Variants in TMEM26 observed in about 807,000 individuals in gnomAD.
TMEM26 encodes transmembrane protein 26.
In TMEM26, 38 loss-of-function variants were observed where a neutral mutation model predicts 28.8. That is an observed-to-expected ratio of 1.32 (90% CI 1.02 to 1.73). The LOEUF is 1.73. Among genes scored for constraint, TMEM26 ranks in the 40% most tolerant of loss-of-function variants. The pLI is 0.00. For synonymous variants in TMEM26, 227 were observed against 182.9 expected (o/e 1.24, Z -1.95); for missense variants, 518 against 447.1 (o/e 1.16, Z -1.43).
At chr10:61,441,763 C>T (rs1840096854) in intron 1 of TMEM26, among the ~76,000 whole-genome samples, 1 of 152,138 alleles carries the variant, frequency 6.6e-6, no homozygotes. Flanking sequence ...GAGCTATCTG[C>T]CCTTAGAAAC....
intron 1 of TMEM26, among the ~76,000 whole-genome samples, chr10:61,445,229 A>G (rs1840160176): frequency 6.6e-6 from 1 of 152,206 alleles, no homozygotes. Flanking sequence ...CATCACTAGT[A>G]TTAAGAGACT....
At chr10:61,447,543 G>T (rs1840204841) in intron 1 of TMEM26, among the ~76,000 whole-genome samples, 1 of 152,118 alleles carries the variant, frequency 6.6e-6, no homozygotes, top group African/African-American at 2.4e-5. Context: ...TTTCAGCTGT[G>T]AGCCATCCAG....
intron 4 of TMEM26, among the ~76,000 whole-genome samples, chr10:61,417,846 G>A (rs1839679450): frequency 6.6e-6 from 1 of 151,992 alleles, no homozygotes; most frequent in Non-Finnish European, 1.5e-5. Flanking sequence ...TGGCTGTAGT[G>A]AAATGAAAAG....
chr10:61,411,094 A>G lies in TMEM26; in HGVS notation c.683-348T>C, dbSNP rs375115250. On this transcript the variant is annotated intron_variant, in intron 5 of 5. Coordinates refer to ENST00000399298, the MANE Select transcript of TMEM26 (RefSeq NM_178505.8). ...GCACCATGGGGGGAATAAAAAATAA[A>G]GGAAGCCACCATTGTGATTCTGGGG... Among the ~76,000 whole-genome samples the G allele has an allele frequency of 6.6e-5, 10 of 152,306 alleles. No individual in the cohort carries two copies. The East Asian group carries it at 1.9e-3, about 29-fold the overall frequency.
chr10:61,446,603 G>A (rs4948457), intron 1 of TMEM26, among the ~76,000 whole-genome samples: 44,433 of 151,578 alleles, frequency 0.29, 7,460 homozygotes, highest in African/African-American at 0.46. Flanking sequence ...GGCTGATCAC[G>A]AGGTCAGGAG....
rs370759989 is a variant in TMEM26, at chr10:61,446,736, T to C, written c.191+6155A>G. ...CAGCAGGCCAAGGCAGGGGAATCGC[T>C]TGAATCCAGGAGGCGGAGGTTACAG... On this transcript the variant is annotated intron_variant, in intron 1 of 5. Coordinates refer to ENST00000399298, the MANE Select transcript of TMEM26 (RefSeq NM_178505.8). Among the ~76,000 whole-genome samples the C allele has an allele frequency of 1.8e-4, 24 of 131,882 alleles. No individual in the cohort carries two copies. In the East Asian group the frequency reaches 4.2e-3, roughly 23 times the overall value. The allele number at this position is 131,882 out of a possible 152,430, so 86.5% of individuals were successfully genotyped here. A position where few individuals can be genotyped will look rare whatever the true frequency, so the allele number is the denominator to read the frequency against.
At chr10:61,431,715 GT>G (rs77720990) in intron 2 of TMEM26, among the ~76,000 whole-genome samples, 4,957 of 146,226 alleles carry the variant, frequency 0.034, 116 homozygotes, top group East Asian at 0.087. Flanking sequence ...AAATTACAGT[GT>G]TTTTTTTTTT....
At chr10:61,449,314 T>C (rs1302206013) in intron 1 of TMEM26, among the ~76,000 whole-genome samples, 1 of 152,064 alleles carries the variant, frequency 6.6e-6, no homozygotes, top group Admixed American at 6.6e-5. Flanking sequence ...ACGGGGGACA[T>C]GTTGTTGGCT....
chr10:61,426,098 A>G (rs1293388377), intron 4 of TMEM26, among the ~76,000 whole-genome samples: 1 of 152,180 alleles, frequency 6.6e-6, no homozygotes. Context: ...ATGGAACACT[A>G]GCAACTAAAG....
intron 5 of TMEM26, among the ~76,000 whole-genome samples, chr10:61,411,182 C>A (rs981466748): frequency 2.0e-5 from 3 of 152,188 alleles, no homozygotes; most frequent in Non-Finnish European, 4.4e-5. Context: ...AGCATGACTG[C>A]CGCATTTTCC....
chr10:61,413,463 C>A lies in TMEM26; in HGVS notation c.678G>T (p.Leu226=). The A allele has an allele frequency of 6.2e-7, 1 of 1,612,538 alleles. No individual in the cohort carries two copies. The highest frequency in any genetic ancestry group is 1.7e-5 in the Admixed American group (1 of 59,820). The part of the protein sequence containing the change: ...TWSMLQFPLD[L]AVQNVVCPVS... ...CACAAACATCAGGATACTTACCTGCCAGGTCAAGTGGAAACTGCAGCATGC... is the reference window on the plus strand; with the variant it reads ...CACAAACATCAGGATACTTACCTGCAAGGTCAAGTGGAAACTGCAGCATGC... Residue 226 remains leucine (L), a synonymous_variant, in exon 5 of 6, where the codon CTG becomes CTT. Transcript: ENST00000399298.
Position 61,409,906 on chromosome 10 carries a change from G to A in TMEM26, c.*416C>T, listed in dbSNP as rs1839541132. 2 of 173,136 alleles carry A rather than the reference G, an allele frequency of 1.2e-5. No homozygotes were observed. Among genetic ancestry groups the A allele is most frequent in the African/African-American group, 4.8e-5 (2 of 41,714 alleles). The allele number at this position is 173,136 out of a possible 1,614,324, so 10.7% of individuals were successfully genotyped here. A position where few individuals can be genotyped will look rare whatever the true frequency, so the allele number is the denominator to read the frequency against. On this transcript the variant is annotated 3_prime_UTR_variant, in exon 6 of 6. Transcript: ENST00000399298. Reference sequence around the variant, plus strand: ...ATTCACTGAATGTACATTTTTTGATGTCAGAGGAACATTGCAGAAAAGATC... The same window carrying A: ...ATTCACTGAATGTACATTTTTTGATATCAGAGGAACATTGCAGAAAAGATC...
intron 4 of TMEM26, chr10:61,414,662 A>G (rs1013557704): frequency 6.6e-6 from 1 of 152,108 alleles, no homozygotes; most frequent in African/African-American, 2.4e-5. Flanking sequence ...AGGCACATTT[A>G]CTATTAATCT....
At chr10:61,419,705 G>T (rs1191393748) in intron 4 of TMEM26, among the ~76,000 whole-genome samples, 1 of 152,108 alleles carries the variant, frequency 6.6e-6, no homozygotes, top group East Asian at 1.9e-4. Flanking sequence ...AACACAGTCA[G>T]TCATATATAT....
chr10:61,433,210 T>C (rs1027239820), intron 2 of TMEM26, among the ~76,000 whole-genome samples: 8 of 152,184 alleles, frequency 5.3e-5, no homozygotes, highest in African/African-American at 1.9e-4. Context: ...TTAAGACTTA[T>C]CTGAGTTGCT....
At chr10:61,413,796 G>T (rs1839608021) in intron 4 of TMEM26, 1 of 1,089,810 alleles carries the variant, frequency 9.2e-7, no homozygotes, top group Non-Finnish European at 1.1e-6. Flanking sequence ...GCTGTCTTTA[G>T]TTTTACAAAA....
intron 1 of TMEM26, 57 bp from the exon 2 acceptor site, chr10:61,436,305 A>G: frequency 8.4e-7 from 1 of 1,190,492 alleles, no homozygotes; most frequent in Non-Finnish European, 1.2e-6. Context: ...TTTCCAAAAA[A>G]AAAAATTAAG....
At chr10:61,423,918 T>A (rs1354674982) in intron 4 of TMEM26, among the ~76,000 whole-genome samples, 1 of 152,042 alleles carries the variant, frequency 6.6e-6, no homozygotes, top group Non-Finnish European at 1.5e-5. Flanking sequence ...CACCAAAAAA[T>A]AATTCCCAAT....
At chr10:61,441,953 C>G (rs7912630) in intron 1 of TMEM26, among the ~76,000 whole-genome samples, 6,299 of 152,140 alleles carry the variant, frequency 0.041, 167 homozygotes, top group African/African-American at 0.061. Flanking sequence ...CCTACCAATT[C>G]TCTCCCAAGT....
Sources: gnomAD v4.1 joint callset for allele counts (sites outside exome capture counted in the v4.1 genomes callset) on GRCh38, gnomAD v4.1.1 for gene constraint, MANE v1.5 for transcripts, NCBI Gene and HGNC (gene_info 2026-07-23, HGNC 2026-07-21) for gene names.